Variants in CHRM3 observed in about 807,000 individuals in gnomAD.
CHRM3 encodes muscarinic acetylcholine receptor M3.
In CHRM3, 11 loss-of-function variants were observed where a neutral mutation model predicts 41.8. The observed-to-expected ratio is 0.26, with a 90% CI of 0.17 to 0.44. The LOEUF (loss-of-function observed/expected upper bound fraction) is 0.44. Among genes scored for constraint, CHRM3 ranks in the 20% least tolerant of loss-of-function variants. The pLI, the probability that CHRM3 is intolerant of heterozygous loss-of-function variation, is 1.00. For missense variants in CHRM3, 571 were observed against 745.4 expected (o/e 0.77, Z 2.72); for synonymous variants, 297 against 301.4 (o/e 0.99, Z 0.15).
intron 1 of CHRM3, among the ~76,000 whole-genome samples, chr1:239,393,691 T>A (rs1196900200): frequency 6.6e-6 from 1 of 152,232 alleles, no homozygotes; most frequent in Non-Finnish European, 1.5e-5. Context: ...TTCATTTGAA[T>A]GTTAGAAACT....
At chr1:239,868,235 G>A (rs569514100) in intron 6 of CHRM3, among the ~76,000 whole-genome samples, 20 of 152,316 alleles carry the variant, frequency 1.3e-4, no homozygotes, top group Admixed American at 3.3e-4. Context: ...GCGTGATGCC[G>A]TGAGTGGCCT....
chr1:239,482,655 G>A (rs373961287), intron 1 of CHRM3, among the ~76,000 whole-genome samples: 17 of 152,128 alleles, frequency 1.1e-4, no homozygotes, highest in African/African-American at 2.7e-4. Flanking sequence ...GCTCTCAACC[G>A]TAGAATTCTC....
At chr1:239,623,051 AC>A (rs1297777202) in intron 3 of CHRM3, among the ~76,000 whole-genome samples, 1 of 151,906 alleles carries the variant, frequency 6.6e-6, no homozygotes, top group African/African-American at 2.4e-5. Flanking sequence ...CAAACCCTCC[AC>A]CAAAAAAAAA....
chr1:239,621,365 A>G (rs1668341375), intron 3 of CHRM3, among the ~76,000 whole-genome samples: 1 of 152,168 alleles, frequency 6.6e-6, no homozygotes, highest in Non-Finnish European at 1.5e-5. Context: ...TAAGTGTTCA[A>G]GTGAAAGGAA....
intron 6 of CHRM3, among the ~76,000 whole-genome samples, chr1:239,884,045 C>T (rs1677863087): frequency 6.6e-6 from 1 of 152,186 alleles, no homozygotes; most frequent in South Asian, 2.1e-4. Context: ...GTTCTGATCT[C>T]AAGAGAATAG....
chr1:239,645,401 A>G (rs962608008), intron 4 of CHRM3, among the ~76,000 whole-genome samples: 1 of 152,258 alleles, frequency 6.6e-6, no homozygotes, highest in Non-Finnish European at 1.5e-5. Context: ...GTAGTACATT[A>G]TATGATCACA....
At chr1:239,651,209 G>T (rs1202802453) in intron 4 of CHRM3, among the ~76,000 whole-genome samples, 1 of 152,116 alleles carries the variant, frequency 6.6e-6, no homozygotes, top group Non-Finnish European at 1.5e-5. Context: ...AATACAAATT[G>T]ATGCTTAATG....
intron 5 of CHRM3, among the ~76,000 whole-genome samples, chr1:239,722,667 TA>T (rs1473730227): frequency 6.6e-6 from 1 of 151,914 alleles, no homozygotes; most frequent in African/African-American, 2.4e-5. Flanking sequence ...AAATATTAAG[TA>T]GAACTTTGTA....
At chr1:239,436,189 G>T (rs956471175) in intron 1 of CHRM3, among the ~76,000 whole-genome samples, 4 of 152,160 alleles carry the variant, frequency 2.6e-5, no homozygotes, top group African/African-American at 9.7e-5. Context: ...AGACAGTAAG[G>T]TTGGTTATGG....
chr1:239,463,793 G>A (rs1665527081), intron 1 of CHRM3, among the ~76,000 whole-genome samples: 2 of 152,132 alleles, frequency 1.3e-5, no homozygotes, highest in Non-Finnish European at 2.9e-5. Context: ...TGCAACTTAT[G>A]CATCTTGCTT....
chr1:239,803,431 A>C (rs1670371349), intron 5 of CHRM3, among the ~76,000 whole-genome samples: 1 of 152,184 alleles, frequency 6.6e-6, no homozygotes, highest in South Asian at 2.1e-4. Flanking sequence ...CTCCACTATC[A>C]CACTCTTTTC....
intron 2 of CHRM3, among the ~76,000 whole-genome samples, chr1:239,513,071 CA>C (rs1483831079): frequency 2.6e-5 from 4 of 152,136 alleles, no homozygotes; most frequent in Non-Finnish European, 5.9e-5. Flanking sequence ...ATTCTGACAA[CA>C]AAATTCCAGA....
rs199949126 is a variant in CHRM3, at chr1:239,907,887, G to A, written c.436G>A (p.Ala146Thr). ...LGNLACDLWL[A>T]IDYVASNASV... Reference sequence around the variant, plus strand: ...GAACTTGGCCTGTGACCTCTGGCTTGCCATTGACTACGTAGCCAGCAATGC... The same window carrying A: ...GAACTTGGCCTGTGACCTCTGGCTTACCATTGACTACGTAGCCAGCAATGC... Residue 146 changes from alanine to threonine, a missense_variant, in exon 7 of 7, where the codon GCC (alanine) becomes ACC (threonine). Ala to Thr is a moderately conservative substitution (Grantham distance 58). This residue lies in a region of CHRM3 where 153 missense variants were observed against 296.3 expected (regional missense o/e 0.52). Coordinates refer to ENST00000676153, the MANE Select transcript of CHRM3 (RefSeq NM_001375978.1). The surrounding 1 kb of genome is among the most constrained non-coding windows in gnomAD (Gnocchi z 5.4). 10 of 1,614,188 alleles carry A rather than the reference G, an allele frequency of 6.2e-6. No individual in the cohort carries two copies. The highest frequency in any genetic ancestry group is 8.5e-6 in the Non-Finnish European group (10 of 1,180,038).
intron 1 of CHRM3, among the ~76,000 whole-genome samples, chr1:239,424,054 CAAA>C (rs772980892): frequency 7.6e-5 from 6 of 78,906 alleles, no homozygotes; most frequent in Admixed American, 1.4e-4. Context: ...GACTCTGTCT[CAAA>C]AAAAAAAAAA....
chr1:239,529,348 C>T (rs1218664), intron 2 of CHRM3, among the ~76,000 whole-genome samples: 75,664 of 151,866 alleles, frequency 0.5, 19,394 homozygotes, highest in Middle Eastern at 0.67. Context: ...TGGTGGCTCA[C>T]GCCTGTAATC....
intron 6 of CHRM3, among the ~76,000 whole-genome samples, chr1:239,894,657 T>G (rs937806518): frequency 7.9e-5 from 12 of 152,142 alleles, no homozygotes; most frequent in African/African-American, 2.9e-4. Context: ...GGTCTCGAAC[T>G]CATGCGCTCA....
chr1:239,398,892 T>A (rs1282147791), intron 1 of CHRM3, among the ~76,000 whole-genome samples: 1 of 152,096 alleles, frequency 6.6e-6, no homozygotes, highest in Non-Finnish European at 1.5e-5. Flanking sequence ...AAGCAGGATA[T>A]AACTTGGAAA....
At chr1:239,605,363 G>T (rs1025096562) in intron 3 of CHRM3, among the ~76,000 whole-genome samples, 1 of 152,090 alleles carries the variant, frequency 6.6e-6, no homozygotes, top group Non-Finnish European at 1.5e-5. Flanking sequence ...GTAACATACT[G>T]TACAGATTAG....
intron 6 of CHRM3, among the ~76,000 whole-genome samples, chr1:239,890,564 T>A (rs887885957): frequency 6.6e-6 from 1 of 152,134 alleles, no homozygotes; most frequent in African/African-American, 2.4e-5. Flanking sequence ...ATATATGCCA[T>A]ATATTGAGGG....
Sources: allele counts gnomAD v4.1 joint callset (sites outside exome capture counted in the v4.1 genomes callset), GRCh38; gene constraint gnomAD v4.1.1; regional missense constraint gnomAD v4.1.1; non-coding constraint Gnocchi (gnomAD v3.1); transcripts MANE v1.5; gene names NCBI Gene and HGNC (gene_info 2026-07-23, HGNC 2026-07-21).